Variants in TWSG1 observed in about 807,000 individuals in gnomAD.
The protein encoded by TWSG1 is twisted gastrulation BMP signaling modulator 1, also known as twisted gastrulation protein homolog 1.
Under a neutral mutation model 23.0 loss-of-function variants are expected in TWSG1, and 15 were observed. The ratio of observed to expected loss-of-function variants is 0.65; its 90% CI spans 0.44 to 1.00. The LOEUF (loss-of-function observed/expected upper bound fraction) is 1.00, where lower values mean the gene tolerates loss of function less well. Among genes scored for constraint, TWSG1 ranks in the 50% least tolerant of loss-of-function variants. The pLI is 0.00. For missense variants in TWSG1, 242 were observed against 278.7 expected (o/e 0.87, Z 0.94); for synonymous variants, 86 against 92.8 (o/e 0.93, Z 0.42).
rs146405651 is a variant in TWSG1 at position 9,337,622 on chromosome 18, A to G, written c.123+270A>G. ...TTACAAGGTGATGAGCACTCTATTC[A>G]GATGATTTAATCTGTGTAATCTAAT... On this transcript the variant is annotated intron_variant, in intron 2 of 4. Coordinates refer to ENST00000262120, the MANE Select transcript of TWSG1 (RefSeq NM_020648.6). 2.6e-5 allele frequency among the ~76,000 whole-genome samples: 4 copies of G among 152,352 alleles called. No homozygotes were observed. In the East Asian group the frequency reaches 7.7e-4, roughly 29 times the overall value.
At chr18:9,370,138 T>C (rs898451067) in intron 3 of TWSG1, among the ~76,000 whole-genome samples, 2 of 152,144 alleles carry the variant, frequency 1.3e-5, no homozygotes, top group African/African-American at 4.8e-5. Flanking sequence ...GCCAACATGG[T>C]GAAACCCCGT....
intron 3 of TWSG1, among the ~76,000 whole-genome samples, chr18:9,378,003 G>A (rs2040639036): frequency 6.6e-6 from 1 of 152,256 alleles, no homozygotes; most frequent in Admixed American, 6.5e-5. Flanking sequence ...ACAGGCGTGA[G>A]CCTGGCAGTG....
intron 3 of TWSG1, among the ~76,000 whole-genome samples, chr18:9,375,179 A>AAT (rs2040624038): frequency 6.6e-6 from 1 of 151,370 alleles, no homozygotes; most frequent in East Asian, 1.9e-4. Flanking sequence ...AAAAAAAAAA[A>AAT]AAAAAAAATC....
chr18:9,397,577 T>A (rs1038638854), intron 4 of TWSG1, among the ~76,000 whole-genome samples: 1 of 152,254 alleles, frequency 6.6e-6, no homozygotes, highest in East Asian at 1.9e-4. Flanking sequence ...CACCATATAA[T>A]TTTACTGTGG....
At chr18:9,354,977 A>G (rs1249829681) in intron 2 of TWSG1, among the ~76,000 whole-genome samples, 1 of 150,570 alleles carries the variant, frequency 6.6e-6, no homozygotes, top group East Asian at 1.9e-4. Context: ...TTTTTTTGAG[A>G]CAGAGTCTCG....
intron 3 of TWSG1, among the ~76,000 whole-genome samples, chr18:9,361,890 C>G (rs536640013): frequency 6.6e-6 from 1 of 152,330 alleles, no homozygotes; most frequent in East Asian, 1.9e-4. Flanking sequence ...CTCTGCCACT[C>G]TGGCACCTCC....
chr18:9,373,714 A>G (rs540311274), intron 3 of TWSG1, among the ~76,000 whole-genome samples: 8 of 152,330 alleles, frequency 5.3e-5, no homozygotes, highest in African/African-American at 1.9e-4. Flanking sequence ...ATATCTATTG[A>G]CTATTTCATT....
Position 9,337,303 on chromosome 18 carries a change from G to A in TWSG1, c.74G>A (p.Ser25Asn). 1 of 1,613,646 alleles carries A rather than the reference G, an allele frequency of 6.2e-7. No homozygotes were observed. Among genetic ancestry groups the A allele is most frequent in the Non-Finnish European group, 8.5e-7 (1 of 1,180,002 alleles). The change falls in exon 2 of 5, where the codon AGC (serine) becomes AAC (asparagine). Residue 25 changes from serine to asparagine, a missense_variant. Coordinates refer to ENST00000262120, the MANE Select transcript of TWSG1 (RefSeq NM_020648.6). ...MFLTWLPESL[S>N]CNKALCASDV... Reference sequence around the variant, plus strand: ...CTGACATGGCTTCCAGAATCACTGAGCTGTAACAAAGCACTCTGTGCTAGT... The same window carrying A: ...CTGACATGGCTTCCAGAATCACTGAACTGTAACAAAGCACTCTGTGCTAGT...
At position 9,352,368 on chromosome 18, in the gene TWSG1, A is replaced by C. The variant is rs188861255; in HGVS notation, c.124-7604A>C. Among the ~76,000 whole-genome samples the C allele has an allele frequency of 6.7e-4, 102 of 152,270 alleles. 1 individual carries two copies. The highest frequency in any genetic ancestry group is 4.4e-4 in the Non-Finnish European group (30 of 68,020). ...CTTGCGTGGTTTCCAGTTTTCAGTA[A>C]TTATGAATGATGTTGATACTTTCCC... On this transcript the variant is annotated intron_variant, in intron 2 of 4. Transcript: ENST00000262120.
Position 9,396,453 on chromosome 18 carries a change from C to G in TWSG1, c.397C>G (p.Leu133Val). 1.2e-6 allele frequency: 2 copies of G among 1,614,174 alleles called. No homozygotes were observed. Among genetic ancestry groups the G allele is most frequent in the Non-Finnish European group, 1.7e-6 (2 of 1,180,028 alleles). Residue 133 changes from leucine (L) to valine (V), a missense_variant, in exon 4 of 5, where the codon CTG becomes GTG. Physicochemically the swap from Leu to Val is conservative, Grantham distance 32 (BLOSUM62 1). Transcript: ENST00000262120. ...VAEELSHHEN[L>V]VSFLETVNQP... ...AGAAGAACTTTCACATCATGAGAAT[C>G]TGGTTTCATTTTTAGAAACTGTGAA...
At position 9,337,360 on chromosome 18, in the gene TWSG1, TAA is replaced by T. The variant is rs2040427865; in HGVS notation, c.123+9_123+10del. 1.9e-6 allele frequency: 3 copies of T among 1,611,788 alleles called. No homozygotes were observed. Among genetic ancestry groups the T allele is most frequent in the Non-Finnish European group, 1.7e-6 (2 of 1,179,326 alleles). On this transcript the variant is annotated intron_variant, in intron 2 of 4. Coordinates refer to ENST00000262120, the MANE Select transcript of TWSG1 (RefSeq NM_020648.6). ...AGCAAATGCCTCATTCAGGTAGGAC[TAA>T]GAGTACTTTTATTAATATCAAAATA... is the stretch of plus-strand genomic sequence containing the variant.
chr18:9,382,682 C>G (rs559769789), intron 3 of TWSG1, among the ~76,000 whole-genome samples: 1 of 151,810 alleles, frequency 6.6e-6, no homozygotes, highest in African/African-American at 2.4e-5. Context: ...TGGTGGGTGC[C>G]TGTAATCCCA....
intron 3 of TWSG1, among the ~76,000 whole-genome samples, chr18:9,384,252 A>G (rs1792754459): frequency 6.6e-6 from 1 of 152,210 alleles, no homozygotes; most frequent in African/African-American, 2.4e-5. Context: ...AAATTGTGAC[A>G]GGGAACCAAG....
chr18:9,365,737 A>C (rs534215035), intron 3 of TWSG1, among the ~76,000 whole-genome samples: 15 of 152,224 alleles, frequency 9.9e-5, no homozygotes, highest in African/African-American at 3.6e-4. Context: ...CCAGAGGCTC[A>C]CACCTGTAAT....
intron 3 of TWSG1, among the ~76,000 whole-genome samples, chr18:9,386,254 G>T (rs988497047): frequency 1.3e-5 from 2 of 152,040 alleles, no homozygotes; most frequent in Non-Finnish European, 2.9e-5. Flanking sequence ...GAGGTCAGGA[G>T]TTCAAGACCA....
chr18:9,363,142 G>A (rs1022455728), intron 3 of TWSG1, among the ~76,000 whole-genome samples: 1 of 152,096 alleles, frequency 6.6e-6, no homozygotes, highest in African/African-American at 2.4e-5. Context: ...TCATTCTGTG[G>A]ACTTCAGCAC....
At position 9,337,244 on chromosome 18, in the gene TWSG1, T is replaced by C. The variant is rs1480337425; in HGVS notation, c.15T>C (p.Tyr5=). 21 of 1,612,186 alleles carry C rather than the reference T, an allele frequency of 1.3e-5. No individual in the cohort carries two copies. Among genetic ancestry groups the C allele is most frequent in the Non-Finnish European group, 1.5e-5 (18 of 1,180,002 alleles). ...TTTGAAGAAACATGAAGTTACACTA[T>C]GTTGCTGTGCTTACTCTAGCCATCC... is the stretch of plus-strand genomic sequence containing the variant. MKLH[Y]VAVLTLAILM... Residue 5 remains tyrosine (Y), a synonymous_variant, in exon 2 of 5, where the codon TAT becomes TAC. Coordinates refer to ENST00000262120, the MANE Select transcript of TWSG1 (RefSeq NM_020648.6).
At chr18:9,383,496 A>G (rs1221620514) in intron 3 of TWSG1, among the ~76,000 whole-genome samples, 1 of 152,136 alleles carries the variant, frequency 6.6e-6, no homozygotes, top group Non-Finnish European at 1.5e-5. Flanking sequence ...CCGGCCTTGA[A>G]TTACACTTTT....
chr18:9,343,696 G>A (rs1568030820), intron 2 of TWSG1, among the ~76,000 whole-genome samples: 1 of 152,082 alleles, frequency 6.6e-6, no homozygotes, highest in Non-Finnish European at 1.5e-5. Context: ...CTTTCATTGA[G>A]CATAATGTTT....
Sources: allele counts gnomAD v4.1 joint callset (sites outside exome capture counted in the v4.1 genomes callset), GRCh38; gene constraint gnomAD v4.1.1; transcripts MANE v1.5; gene names NCBI Gene and HGNC (gene_info 2026-07-23, HGNC 2026-07-21).